Variants in LRRTM4 observed in about 807,000 individuals in gnomAD.
LRRTM4 encodes leucine-rich repeat transmembrane neuronal protein 4.
In LRRTM4, 25 loss-of-function variants were observed where a neutral mutation model predicts 47.6. The observed-to-expected ratio is 0.53, with a 90% CI of 0.38 to 0.73. The LOEUF is 0.73. Among genes scored for constraint, LRRTM4 ranks in the 30% least tolerant of loss-of-function variants. LRRTM4 has a pLI of 0.00. For synonymous variants in LRRTM4, 311 were observed against 269.5 expected (o/e 1.15, Z -1.51); for missense variants, 638 against 713.4 (o/e 0.89, Z 1.20).
At chr2:77,400,315 A>G (rs947501384) in intron 3 of LRRTM4, among the ~76,000 whole-genome samples, 2 of 151,776 alleles carry the variant, frequency 1.3e-5, no homozygotes, top group Non-Finnish European at 2.9e-5. Flanking sequence ...TCTAATGACT[A>G]CAGCTGAGTA....
At chr2:76,850,413 A>G (rs968137390) in intron 3 of LRRTM4, among the ~76,000 whole-genome samples, 1 of 152,300 alleles carries the variant, frequency 6.6e-6, no homozygotes, top group African/African-American at 2.4e-5. Flanking sequence ...ATTGGATTCA[A>G]ATCTTGGTTC....
chr2:77,420,031 G>A (rs1674809939), intron 3 of LRRTM4, among the ~76,000 whole-genome samples: 1 of 152,166 alleles, frequency 6.6e-6, no homozygotes, highest in Non-Finnish European at 1.5e-5. Flanking sequence ...CTGGGATGAA[G>A]GTGTTGGCTG....
chr2:76,769,697 G>A (rs1196856209), intron 3 of LRRTM4, among the ~76,000 whole-genome samples: 1 of 151,936 alleles, frequency 6.6e-6, no homozygotes, highest in African/African-American at 2.4e-5. Flanking sequence ...ATTCGTATCG[G>A]CATTTTAACA....
At chr2:77,443,269 T>C (rs1012315693) in intron 3 of LRRTM4, among the ~76,000 whole-genome samples, 8 of 152,116 alleles carry the variant, frequency 5.3e-5, no homozygotes, top group African/African-American at 1.7e-4. Flanking sequence ...AATTTAAGCT[T>C]ATAAATGATG....
At position 76,748,663 on chromosome 2, in the gene LRRTM4, TG is replaced by T; in HGVS notation, c.*31del. On this transcript the variant is annotated 3_prime_UTR_variant, in exon 4 of 4. Coordinates refer to ENST00000409884, the MANE Select transcript of LRRTM4 (RefSeq NM_001134745.3). Reference sequence around the variant, plus strand: ...AGATGAAGGCCCTCCCTCCCCCCCATGGAGCTCCCCAGTGAGGAGTTGGCTT... The same window carrying T: ...AGATGAAGGCCCTCCCTCCCCCCCATGAGCTCCCCAGTGAGGAGTTGGCTT... 1.3e-6 allele frequency: 1 copy of T among 773,416 alleles called. No homozygotes were observed. The highest frequency in any genetic ancestry group is 2.2e-6 in the Non-Finnish European group (1 of 453,176). 47.9% of individuals were successfully genotyped at this position (773,416 alleles called of 1,614,324 possible). A position where few individuals can be genotyped will look rare whatever the true frequency, so the allele number is the denominator to read the frequency against.
intron 3 of LRRTM4, among the ~76,000 whole-genome samples, chr2:77,477,585 G>A (rs937956949): frequency 7.9e-5 from 12 of 151,998 alleles, no homozygotes; most frequent in African/African-American, 2.7e-4. Context: ...GCTCACGCCT[G>A]TAATCCCAGC....
rs569388304 is a variant in LRRTM4 at position 77,446,256 on chromosome 2, A to G, written c.1551+72062T>C. Among the ~76,000 whole-genome samples the G allele has an allele frequency of 1.4e-3, 209 of 152,034 alleles. 1 individual carries two copies. Among genetic ancestry groups the G allele is most frequent in the African/African-American group, 4.8e-3 (200 of 41,502 alleles). On this transcript the variant is annotated intron_variant, in intron 3 of 3. Coordinates refer to ENST00000409884, the MANE Select transcript of LRRTM4 (RefSeq NM_001134745.3). ...TATTTTGGTTCATACCATCGTTTGT[A>G]GAGAGTATTTTTGTGTATTGTAGGA...
chr2:77,282,485 T>C (rs1431758226), intron 3 of LRRTM4, among the ~76,000 whole-genome samples: 1 of 151,250 alleles, frequency 6.6e-6, no homozygotes, highest in Non-Finnish European at 1.5e-5. Context: ...AGGATTATGT[T>C]AAATAGAAAT....
chr2:76,771,085 C>T (rs1282051926), intron 3 of LRRTM4, among the ~76,000 whole-genome samples: 1 of 152,048 alleles, frequency 6.6e-6, no homozygotes, highest in Non-Finnish European at 1.5e-5. Context: ...TTAATATTTG[C>T]CTCTTCTTGT....
At chr2:77,306,175 T>C (rs1035919841) in intron 3 of LRRTM4, among the ~76,000 whole-genome samples, 1 of 152,224 alleles carries the variant, frequency 6.6e-6, no homozygotes, top group Non-Finnish European at 1.5e-5. Context: ...GAAGATAAAC[T>C]ATCTTAAGTG....
chr2:77,247,208 C>A (rs1561526), intron 3 of LRRTM4, among the ~76,000 whole-genome samples: 82,521 of 151,228 alleles, frequency 0.55, 22,820 homozygotes, highest in African/African-American at 0.6. Flanking sequence ...ATACACCAGT[C>A]ATCTTAATAA....
At chr2:77,003,884 T>C (rs966141562) in intron 3 of LRRTM4, among the ~76,000 whole-genome samples, 11 of 152,148 alleles carry the variant, frequency 7.2e-5, no homozygotes, top group African/African-American at 2.2e-4. Context: ...GCTAATAGTG[T>C]TATGAACAAT....
intron 3 of LRRTM4, among the ~76,000 whole-genome samples, chr2:77,040,334 G>T (rs964325894): frequency 1.3e-5 from 2 of 151,126 alleles, no homozygotes; most frequent in Non-Finnish European, 3.0e-5. Context: ...TTTGACAAAT[G>T]GTGCACACGA....
rs186010864 is a variant in LRRTM4 at position 76,977,597 on chromosome 2, G to C, written c.1552-228681C>G. ...ACCTCTCAATGCCCAAGGCATAAAT[G>C]CAATAACCATCACTAACTGTTATTG... On this transcript the variant is annotated intron_variant, in intron 3 of 3. Coordinates refer to ENST00000409884, the MANE Select transcript of LRRTM4 (RefSeq NM_001134745.3). Among the ~76,000 whole-genome samples the C allele has an allele frequency of 3.4e-3, 524 of 151,962 alleles. 1 individual carries two copies. Among genetic ancestry groups the C allele is most frequent in the African/African-American group, 0.01 (429 of 41,516 alleles).
At chr2:77,352,486 A>T (rs532060108) in intron 3 of LRRTM4, among the ~76,000 whole-genome samples, 1 of 152,252 alleles carries the variant, frequency 6.6e-6, no homozygotes, top group African/African-American at 2.4e-5. Context: ...TACATGGCCC[A>T]CCTTATTTAA....
At chr2:76,965,029 AT>A (rs1675979150) in intron 3 of LRRTM4, among the ~76,000 whole-genome samples, 2 of 151,104 alleles carry the variant, frequency 1.3e-5, no homozygotes, top group Admixed American at 6.6e-5. Context: ...TATTAATGAA[AT>A]TGAATAAATG....
At chr2:77,521,636 T>TCAA (rs750962437) in intron 2 of LRRTM4, 32 bp downstream of exon 2, 15 of 1,612,300 alleles carry the variant, frequency 9.3e-6, no homozygotes, top group Non-Finnish European at 9.3e-6. Context: ...GGATCAGCTT[T>TCAA]GCTCAGAAGG....
chr2:77,169,608 A>G (rs1222675437), intron 3 of LRRTM4, among the ~76,000 whole-genome samples: 1 of 152,102 alleles, frequency 6.6e-6, no homozygotes, highest in Non-Finnish European at 1.5e-5. Context: ...TTCTTGATAA[A>G]ACAATGAAAT....
chr2:77,373,088 A>AAT (rs1553435843), intron 3 of LRRTM4, among the ~76,000 whole-genome samples: 16,177 of 140,140 alleles, frequency 0.12, 1,024 homozygotes, highest in Non-Finnish European at 0.14. Context: ...TTAAAAAAAA[A>AAT]ATATATATAT....
Sources: allele counts gnomAD v4.1 joint callset (sites outside exome capture counted in the v4.1 genomes callset), GRCh38; gene constraint gnomAD v4.1.1; transcripts MANE v1.5; gene names NCBI Gene and HGNC (gene_info 2026-07-23, HGNC 2026-07-21).